SLC24A2: variants seen among roughly 807,000 people sequenced by gnomAD.
SLC24A2 encodes the protein sodium/potassium/calcium exchanger 2.
In SLC24A2, 36 loss-of-function variants were observed where a neutral mutation model predicts 62.0. That is an observed-to-expected ratio of 0.58 (90% CI 0.44 to 0.77). The LOEUF is 0.77. Ranked by LOEUF, SLC24A2 falls within the 30% of genes least tolerant of loss-of-function variation. The probability of loss-of-function intolerance (pLI) is 0.00; values close to 1 mark genes in which losing one functional copy is unlikely to be tolerated. For missense variants in SLC24A2, 846 were observed against 817.9 expected (o/e 1.03, Z -0.42); for synonymous variants, 358 against 294.0 (o/e 1.22, Z -2.23).
intron 2 of SLC24A2, among the ~76,000 whole-genome samples, chr9:19,647,031 CCTTT>C (rs1818655454): frequency 6.7e-6 from 1 of 149,646 alleles, no homozygotes; most frequent in African/African-American, 2.5e-5. Context: ...AAATTAATTT[CCTTT>C]CTCTCTCTCT....
At chr9:19,961,194 G>A in the SLC24A2 span, among the ~76,000 whole-genome samples, 7 of 150,854 alleles carry the variant, frequency 4.6e-5, no homozygotes, top group African/African-American at 9.8e-5. Flanking sequence ...AAACCTGCAC[G>A]TTGTGCACAC....
the SLC24A2 span, among the ~76,000 whole-genome samples, chr9:19,839,468 T>C: frequency 3.9e-5 from 6 of 152,230 alleles, no homozygotes; most frequent in Non-Finnish European, 8.8e-5. Flanking sequence ...GTCTGGATTA[T>C]ATTTTTCTTT....
At chr9:19,709,544 G>T (rs939192808) in intron 2 of SLC24A2, among the ~76,000 whole-genome samples, 1 of 151,844 alleles carries the variant, frequency 6.6e-6, no homozygotes, top group African/African-American at 2.4e-5. Context: ...AGAAAATGTG[G>T]CACATATACA....
chr9:19,596,275 T>C (rs1252669095), intron 5 of SLC24A2, among the ~76,000 whole-genome samples: 5 of 152,182 alleles, frequency 3.3e-5, no homozygotes, highest in African/African-American at 1.2e-4. Context: ...TGGGAGTTTC[T>C]CTCTCATGCT....
intron 8 of SLC24A2, among the ~76,000 whole-genome samples, chr9:19,531,964 T>G (rs1227766295): frequency 2.0e-5 from 3 of 152,226 alleles, no homozygotes; most frequent in African/African-American, 4.8e-5. Context: ...AGTCATGCCC[T>G]TGTATTCATG....
the SLC24A2 span, among the ~76,000 whole-genome samples, chr9:19,859,612 A>C: frequency 8.9e-4 from 135 of 152,338 alleles, no homozygotes; most frequent in African/African-American, 3.1e-3. Flanking sequence ...CATGCACAAT[A>C]AATCACCTTG....
chr9:19,934,822 CG>C, the SLC24A2 span, among the ~76,000 whole-genome samples: 1 of 151,920 alleles, frequency 6.6e-6, no homozygotes, highest in Non-Finnish European at 1.5e-5. This position sits in a 1 kb window ranked among gnomAD's most constrained non-coding sequence, Gnocchi z 4.1. Context: ...GCAAGCGTGG[CG>C]AGTCCGTTTC....
chr9:19,934,729 G>A, the SLC24A2 span, among the ~76,000 whole-genome samples: 1 of 152,244 alleles, frequency 6.6e-6, no homozygotes, highest in Non-Finnish European at 1.5e-5. This position sits in a 1 kb window ranked among gnomAD's most constrained non-coding sequence, Gnocchi z 4.1. Flanking sequence ...GCTTCCCGGA[G>A]AGTTGTAAAG....
the SLC24A2 span, among the ~76,000 whole-genome samples, chr9:19,833,845 C>G: frequency 3.3e-5 from 5 of 152,350 alleles, no homozygotes; most frequent in African/African-American, 1.2e-4. Flanking sequence ...CGGACTGACA[C>G]CTCACATGTC....
intron 3 of SLC24A2, among the ~76,000 whole-genome samples, chr9:19,620,231 CA>C (rs1817876712): frequency 6.6e-6 from 1 of 152,190 alleles, no homozygotes; most frequent in Non-Finnish European, 1.5e-5. Flanking sequence ...CATAGATACA[CA>C]TACTAAAATA....
chr9:20,073,626 G>A, the SLC24A2 span, among the ~76,000 whole-genome samples: 1 of 151,840 alleles, frequency 6.6e-6, no homozygotes, highest in Non-Finnish European at 1.5e-5. Context: ...CCATTTTAAT[G>A]TTTTCAGAGA....
chr9:20,100,851 T>C, the SLC24A2 span, among the ~76,000 whole-genome samples: 1 of 152,204 alleles, frequency 6.6e-6, no homozygotes, highest in Non-Finnish European at 1.5e-5. Context: ...TCCTACTACC[T>C]GACCCCCTGG....
chr9:19,693,115 A>T (rs566136454), intron 2 of SLC24A2, among the ~76,000 whole-genome samples: 1 of 151,988 alleles, frequency 6.6e-6, no homozygotes, highest in Non-Finnish European at 1.5e-5. Context: ...TATTATTATT[A>T]TTCTTTAAGT....
chr9:20,034,313 A>G, the SLC24A2 span, among the ~76,000 whole-genome samples: 1 of 152,170 alleles, frequency 6.6e-6, no homozygotes, highest in Non-Finnish European at 1.5e-5. Flanking sequence ...TGTAGAAATA[A>G]AAGATGCCTA....
At chr9:19,546,707 C>T (rs62561122) in intron 8 of SLC24A2, among the ~76,000 whole-genome samples, 5,182 of 151,854 alleles carry the variant, frequency 0.034, 132 homozygotes, top group South Asian at 0.048. Flanking sequence ...TTCTGTCTCA[C>T]TGGTGTTCTG....
At chr9:19,597,312 G>C in intron 4 of SLC24A2, 33 bp from the exon 5 acceptor site, 1 of 1,366,312 alleles carries the variant, frequency 7.3e-7, no homozygotes, top group Non-Finnish European at 1.0e-6. Flanking sequence ...ACAAAGATAA[G>C]GAACGAGCTA....
intron 2 of SLC24A2, among the ~76,000 whole-genome samples, chr9:19,722,318 C>T (rs767067778): frequency 5.3e-5 from 8 of 152,060 alleles, no homozygotes; most frequent in Non-Finnish European, 1.0e-4. Flanking sequence ...AAAAATATAA[C>T]TCTTCATAGC....
chr9:19,806,780 C>A, the SLC24A2 span, among the ~76,000 whole-genome samples: 2 of 152,128 alleles, frequency 1.3e-5, no homozygotes, highest in African/African-American at 4.8e-5. Context: ...CTGTGCCATG[C>A]GACTCACATC....
the SLC24A2 span, among the ~76,000 whole-genome samples, chr9:20,220,105 C>G: frequency 1.3e-5 from 2 of 151,934 alleles, no homozygotes; most frequent in African/African-American, 4.8e-5. Flanking sequence ...ATGCTGATTC[C>G]TATAGTTAAT....
Sources: allele counts gnomAD v4.1 joint callset (sites outside exome capture counted in the v4.1 genomes callset), GRCh38; gene constraint gnomAD v4.1.1; non-coding constraint Gnocchi (gnomAD v3.1); transcripts MANE v1.5; gene names NCBI Gene and HGNC (gene_info 2026-07-23, HGNC 2026-07-21).